Variants in CDH10 observed in about 807,000 individuals in gnomAD.
The protein encoded by CDH10 is cadherin-10.
In CDH10, 30 loss-of-function variants were observed where a neutral mutation model predicts 73.1. That is an observed-to-expected ratio of 0.41 (90% CI 0.31 to 0.56). The LOEUF (loss-of-function observed/expected upper bound fraction) is 0.56, where lower values mean the gene tolerates loss of function less well. Ranked by LOEUF, CDH10 falls within the 20% of genes least tolerant of loss-of-function variation. The probability of loss-of-function intolerance (pLI) is 0.27; values close to 1 mark genes in which losing one functional copy is unlikely to be tolerated. For synonymous variants in CDH10, 345 were observed against 348.2 expected (o/e 0.99, Z 0.10); for missense variants, 815 against 973.7 (o/e 0.84, Z 2.17).
intron 2 of CDH10, among the ~76,000 whole-genome samples, chr5:24,587,832 T>C (rs916670130): frequency 3.3e-5 from 5 of 152,196 alleles, no homozygotes; most frequent in Non-Finnish European, 4.4e-5. Context: ...AGGATTTTCC[T>C]GAATACTTTG....
intron 8 of CDH10, chr5:24,499,540 A>T (rs1354330303): frequency 1.3e-5 from 2 of 152,146 alleles, no homozygotes; most frequent in African/African-American, 4.8e-5. Context: ...TACAAAAAAT[A>T]GCCAGGTGTT....
intron 2 of CDH10, among the ~76,000 whole-genome samples, chr5:24,581,146 AC>A (rs1042547994): frequency 6.6e-6 from 1 of 151,658 alleles, no homozygotes; most frequent in Non-Finnish European, 1.5e-5. Flanking sequence ...GATTCTGGGC[AC>A]CCCCCGACCC....
chr5:24,537,471 C>T lies in CDH10; in HGVS notation c.435G>A (p.Glu145=). 1.2e-6 allele frequency: 2 copies of T among 1,613,000 alleles called. No individual in the cohort carries two copies. Among genetic ancestry groups the T allele is most frequent in the Non-Finnish European group, 1.7e-6 (2 of 1,179,164 alleles). ...RTLRPVEPES[E]FVIKIHDIND... ...TGATATCATGAATTTTGATCACAAACTCTGACTCTGGCTCTACTGGCCTCA... is the reference window on the plus strand; with the variant it reads ...TGATATCATGAATTTTGATCACAAATTCTGACTCTGGCTCTACTGGCCTCA... Residue 145 remains glutamate, a synonymous_variant, in exon 3 of 12, where the codon GAG becomes GAA. Transcript: ENST00000264463.
chr5:24,630,515 G>A (rs1007603769), intron 1 of CDH10, among the ~76,000 whole-genome samples: 12 of 149,572 alleles, frequency 8.0e-5, no homozygotes, highest in Non-Finnish European at 1.5e-5. Flanking sequence ...ATTGTGCCAC[G>A]GCACTCCAGC....
At chr5:24,630,839 T>C (rs533860993) in intron 1 of CDH10, among the ~76,000 whole-genome samples, 1 of 152,216 alleles carries the variant, frequency 6.6e-6, no homozygotes, top group South Asian at 2.1e-4. Context: ...CAGTAATACA[T>C]GCTGATAATA....
At chr5:24,597,014 C>T (rs965189224) in intron 1 of CDH10, among the ~76,000 whole-genome samples, 1 of 151,876 alleles carries the variant, frequency 6.6e-6, no homozygotes, top group Non-Finnish European at 1.5e-5. Context: ...ACTAAAAATG[C>T]TAAAATTAAT....
intron 1 of CDH10, among the ~76,000 whole-genome samples, chr5:24,602,068 G>A (rs1431502273): frequency 6.6e-6 from 1 of 152,014 alleles, no homozygotes; most frequent in South Asian, 2.1e-4. Flanking sequence ...TTTTAAATAT[G>A]TTTAACCATT....
chr5:24,532,795 C>A (rs1476467946), intron 5 of CDH10, among the ~76,000 whole-genome samples: 5 of 152,008 alleles, frequency 3.3e-5, no homozygotes, highest in Non-Finnish European at 5.9e-5. Context: ...CTATCCTAAG[C>A]CTCCTTTTCT....
intron 2 of CDH10, among the ~76,000 whole-genome samples, chr5:24,587,073 T>C (rs1388462926): frequency 6.6e-6 from 1 of 151,644 alleles, no homozygotes. Flanking sequence ...CTCGATCTCC[T>C]GACCTCGTGA....
intron 2 of CDH10, among the ~76,000 whole-genome samples, chr5:24,564,327 A>T (rs1716076173): frequency 6.6e-6 from 1 of 152,218 alleles, no homozygotes; most frequent in Non-Finnish European, 1.5e-5. Flanking sequence ...AAAAGTAGAG[A>T]ATACTAATTG....
intron 1 of CDH10, among the ~76,000 whole-genome samples, chr5:24,622,567 C>T (rs1324389482): frequency 6.6e-6 from 1 of 152,082 alleles, no homozygotes; most frequent in African/African-American, 2.4e-5. Context: ...TAAAGCCCAG[C>T]CAGTTTTGAC....
At chr5:24,488,281 G>A in intron 11 of CDH10, 128 bp from the exon 12 acceptor site, 1 of 829,186 alleles carries the variant, frequency 1.2e-6, no homozygotes, top group Non-Finnish European at 1.8e-6. Flanking sequence ...GATTAATTTT[G>A]TGCTTCCCAC....
intron 1 of CDH10, among the ~76,000 whole-genome samples, chr5:24,602,058 T>C (rs1266829409): frequency 6.6e-6 from 1 of 152,154 alleles, no homozygotes; most frequent in African/African-American, 2.4e-5. Context: ...AAATCATTAC[T>C]TTTAAATATG....
intron 2 of CDH10, among the ~76,000 whole-genome samples, chr5:24,552,259 T>C (rs1744573659): frequency 6.6e-6 from 1 of 152,118 alleles, no homozygotes; most frequent in African/African-American, 2.4e-5. Context: ...TGTGCTATTA[T>C]GAGTGAGATT....
At chr5:24,503,454 C>T (rs1294289777) in intron 8 of CDH10, among the ~76,000 whole-genome samples, 1 of 152,090 alleles carries the variant, frequency 6.6e-6, no homozygotes, top group Non-Finnish European at 1.5e-5. Context: ...AGGGCCTTAC[C>T]CTTAAAAGAG....
chr5:24,570,109 G>A (rs996202249), intron 2 of CDH10, among the ~76,000 whole-genome samples: 1 of 151,908 alleles, frequency 6.6e-6, no homozygotes, highest in Non-Finnish European at 1.5e-5. Context: ...GTCTGAAATT[G>A]GTCCAATTTT....
In CDH10 at chr5:24,487,498, T is replaced by C; in HGVS notation, c.*165A>G. 5 of 641,324 alleles carry C rather than the reference T, an allele frequency of 7.8e-6. No homozygotes were observed. The highest frequency in any genetic ancestry group is 5.5e-6 in the Non-Finnish European group (2 of 365,362). 39.7% of individuals were successfully genotyped at this position (641,324 alleles called of 1,614,324 possible). A position where few individuals can be genotyped will look rare whatever the true frequency, so the allele number is the denominator to read the frequency against. ...AATGTCATATATATTCCATGAGACA[T>C]CCTACAGGAAAGAATTAATGTAATT... On this transcript the variant is annotated 3_prime_UTR_variant, in exon 12 of 12. Coordinates refer to ENST00000264463, the MANE Select transcript of CDH10 (RefSeq NM_006727.5).
intron 1 of CDH10, among the ~76,000 whole-genome samples, chr5:24,610,529 A>T (rs1213152249): frequency 6.6e-6 from 1 of 152,188 alleles, no homozygotes; most frequent in Non-Finnish European, 1.5e-5. Context: ...ACATGAATAA[A>T]ACATTAGGTT....
At chr5:24,565,829 C>G (rs1358359972) in intron 2 of CDH10, among the ~76,000 whole-genome samples, 2 of 151,968 alleles carry the variant, frequency 1.3e-5, no homozygotes, top group Non-Finnish European at 2.9e-5. Flanking sequence ...AGCAAGAAGG[C>G]AACCATCTGC....
Sources: allele counts gnomAD v4.1 joint callset (sites outside exome capture counted in the v4.1 genomes callset), GRCh38; gene constraint gnomAD v4.1.1; transcripts MANE v1.5; gene names NCBI Gene and HGNC (gene_info 2026-07-23, HGNC 2026-07-21).